DTNA: variants seen among roughly 807,000 people sequenced by gnomAD.
The protein encoded by DTNA is dystrophin-related protein 3.
Under a neutral mutation model 100.7 loss-of-function variants are expected in DTNA, and 43 were observed. That is an observed-to-expected ratio of 0.43 (90% confidence interval 0.33 to 0.55). DTNA has a LOEUF of 0.55. DTNA is among the 20% of genes least tolerant of loss of function. The probability of loss-of-function intolerance (pLI) is 0.04; values close to 1 mark genes in which losing one functional copy is unlikely to be tolerated. For synonymous variants in DTNA, 349 were observed against 347.9 expected, an observed-to-expected ratio of 1.00 and a Z score of -0.04; for missense variants, 798 against 953.9, an observed-to-expected ratio of 0.84 and a Z score of 2.15.
chr18:34,611,730 C>G (rs2054250697), intron 1 of DTNA, among the ~76,000 whole-genome samples: 1 of 152,146 alleles, frequency 6.6e-6, no homozygotes, highest in African/African-American at 2.4e-5. Context: ...TGGTTCTCCC[C>G]TTAGCTGTGT....
At chr18:34,866,839 C>A (rs746900789) in intron 17 of DTNA, 63 of 1,020,010 alleles carry the variant, frequency 6.2e-5, no homozygotes, top group Non-Finnish European at 7.0e-5. Context: ...AGCACCAGAG[C>A]CTTTCGGCTC....
intron 1 of DTNA, among the ~76,000 whole-genome samples, chr18:34,649,030 T>A (rs959485239): frequency 4.6e-5 from 7 of 152,216 alleles, no homozygotes; most frequent in African/African-American, 9.6e-5. Context: ...GAAGCCAGTG[T>A]TCTGCTCTTT....
intron 1 of DTNA, among the ~76,000 whole-genome samples, chr18:34,734,751 A>C (rs761154511): frequency 6.6e-6 from 1 of 152,198 alleles, no homozygotes; most frequent in Non-Finnish European, 1.5e-5. Flanking sequence ...CAAAGGTATT[A>C]TGTATAGAGT....
chr18:34,542,448 T>C (rs1201700003), intron 1 of DTNA, among the ~76,000 whole-genome samples: 1 of 152,082 alleles, frequency 6.6e-6, no homozygotes, highest in African/African-American at 2.4e-5. Context: ...ATTTCTCCTT[T>C]CTGAACTGAA....
At chr18:34,806,916 ATTGT>A (rs58038519) in intron 5 of DTNA, among the ~76,000 whole-genome samples, 18,663 of 151,894 alleles carry the variant, frequency 0.12, 1,222 homozygotes, top group African/African-American at 0.17. Flanking sequence ...CACACTGGGG[ATTGT>A]TTGTTTGTTT....
intron 1 of DTNA, among the ~76,000 whole-genome samples, chr18:34,594,352 A>T (rs183810574): frequency 3.4e-4 from 52 of 152,210 alleles, no homozygotes; most frequent in African/African-American, 1.1e-3. Flanking sequence ...TTGTCAAATG[A>T]CCTCTCCCTC....
At chr18:34,635,008 C>T (rs993991749) in intron 1 of DTNA, among the ~76,000 whole-genome samples, 2 of 152,094 alleles carry the variant, frequency 1.3e-5, no homozygotes, top group African/African-American at 4.8e-5. Flanking sequence ...TGAAATGTAT[C>T]CTTCAACCAA....
In DTNA at chr18:34,890,284, C is replaced by G. The variant is rs754393663; in HGVS notation, c.*2550C>G. The G allele has an allele frequency of 3.3e-6, 5 of 1,530,716 alleles. No individual in the cohort carries two copies. Among genetic ancestry groups the G allele is most frequent in the Middle Eastern group, 1.7e-4 (1 of 5,944 alleles). The allele number at this position is 1,530,716 out of a possible 1,614,324, so 94.8% of individuals were successfully genotyped here. A position where few individuals can be genotyped will look rare whatever the true frequency, so the allele number is the denominator to read the frequency against. On this transcript the variant is annotated 3_prime_UTR_variant, in exon 23 of 23. Coordinates refer to ENST00000444659, the MANE Select transcript of DTNA (RefSeq NM_001386795.1). ...GACCAATTTCTGACTAACCAGCCAC[C>G]TTTTCTCTCTCTTAGCTCCACGTCA...
chr18:34,877,857 A>G lies in DTNA; in HGVS notation c.1993+49A>G, dbSNP rs372132077. 1.1e-5 allele frequency: 17 copies of G among 1,498,296 alleles called. No homozygotes were observed. The African/African-American group carries it at 1.2e-4, about 11-fold the overall frequency. The allele number at this position is 1,498,296 out of a possible 1,614,324, so 92.8% of individuals were successfully genotyped here. A position where few individuals can be genotyped will look rare whatever the true frequency, so the allele number is the denominator to read the frequency against. ...TTGTCTGCTCATCATGGAGGGATCC[A>G]TAAGTGCTAGGGGTCTCTCTTAGAG... is the stretch of plus-strand genomic sequence containing the variant. On this transcript the variant is annotated intron_variant, in intron 19 of 22. Coordinates refer to ENST00000444659, the MANE Select transcript of DTNA (RefSeq NM_001386795.1).
intron 1 of DTNA, among the ~76,000 whole-genome samples, chr18:34,729,607 T>TA (rs1238479548): frequency 6.6e-6 from 1 of 152,206 alleles, no homozygotes; most frequent in African/African-American, 2.4e-5. Context: ...TAAACTAAAA[T>TA]AATTTAACAC....
At chr18:34,816,139 A>G in intron 7 of DTNA, 125 bp downstream of exon 7, 1 of 929,506 alleles carries the variant, frequency 1.1e-6, no homozygotes, top group East Asian at 2.5e-5. Context: ...AGTTTTGTTT[A>G]GGGTAGAACT....
chr18:34,867,606 A>G, intron 17 of DTNA: 1 of 1,018,754 alleles, frequency 9.8e-7, no homozygotes, highest in Non-Finnish European at 1.2e-6. Flanking sequence ...GTTCAATTAT[A>G]ACCTCCCTCC....
chr18:34,637,593 C>T (rs1247113672), intron 1 of DTNA, among the ~76,000 whole-genome samples: 2 of 152,124 alleles, frequency 1.3e-5, no homozygotes, highest in Admixed American at 1.3e-4. Flanking sequence ...GCACTGTCAC[C>T]CTCACCACCA....
chr18:34,745,056 G>C (rs1193541747), intron 1 of DTNA, among the ~76,000 whole-genome samples: 1 of 152,062 alleles, frequency 6.6e-6, no homozygotes, highest in Non-Finnish European at 1.5e-5. Context: ...GTGAGAAGGG[G>C]CCTGCATAGT....
chr18:34,689,376 T>A (rs1212088870), intron 1 of DTNA, among the ~76,000 whole-genome samples: 1 of 152,112 alleles, frequency 6.6e-6, no homozygotes, highest in African/African-American at 2.4e-5. Flanking sequence ...GCTTTCTGAT[T>A]GTTTTCCTTC....
At chr18:34,583,326 G>T (rs113757280) in intron 1 of DTNA, among the ~76,000 whole-genome samples, 2 of 152,070 alleles carry the variant, frequency 1.3e-5, no homozygotes, top group Non-Finnish European at 2.9e-5. Flanking sequence ...TGTTGCCCCC[G>T]TTGGCCCCCA....
intron 1 of DTNA, among the ~76,000 whole-genome samples, chr18:34,509,053 A>G (rs2040777295): frequency 6.6e-6 from 1 of 151,996 alleles, no homozygotes; most frequent in African/African-American, 2.4e-5. Flanking sequence ...ATTTGATACT[A>G]TTTATCATTT....
chr18:34,818,683 A>G (rs974395566), intron 8 of DTNA: 1 of 1,099,338 alleles, frequency 9.1e-7, no homozygotes, highest in Non-Finnish European at 1.1e-6. Flanking sequence ...TGTTTTGTGG[A>G]AACGGCTTAA....
chr18:34,567,914 G>T (rs1233671697), intron 1 of DTNA, among the ~76,000 whole-genome samples: 2 of 151,984 alleles, frequency 1.3e-5, no homozygotes, highest in African/African-American at 4.8e-5. Context: ...TATCAAGTAT[G>T]TTATTCTGCC....
Sources: allele counts gnomAD v4.1 joint callset (sites outside exome capture counted in the v4.1 genomes callset), GRCh38; gene constraint gnomAD v4.1.1; transcripts MANE v1.5; gene names NCBI Gene and HGNC (gene_info 2026-07-23, HGNC 2026-07-21).